The following NCOR2 variants were observed in gnomAD, a reference collection of about 807,000 sequenced individuals.
The protein encoded by NCOR2 is CTG repeat protein 26.
NCOR2 carries 81 observed loss-of-function variants against 262.9 expected under a neutral mutation model. The observed-to-expected ratio is 0.31, with a 90% CI of 0.26 to 0.37. NCOR2 has a LOEUF of 0.37. Ranked by LOEUF, NCOR2 falls within the 10% of genes least tolerant of loss-of-function variation. The pLI is 1.00. For synonymous variants in NCOR2, 1,659 were observed against 1,559.3 expected (o/e 1.06, Z -1.51); for missense variants, 3,385 against 3,621.4 (o/e 0.93, Z 1.68).
chr12:124,408,034 C>T lies in NCOR2; in HGVS notation c.1483-5473G>A, dbSNP rs554349456. The stretch of plus-strand genomic sequence containing the variant: ...GCAGTCAGGGGAGGCCATCTCAGTG[C>T]GTTTAAGGGTTGTCTTTTTATAAGA... On this transcript the variant is annotated intron_variant, in intron 13 of 46. Transcript: ENST00000405201. 3.5e-4 allele frequency among the ~76,000 whole-genome samples: 53 copies of T among 152,336 alleles called. 1 individual carries two copies. The highest frequency in any genetic ancestry group is 1.4e-3 in the South Asian group (7 of 4,832).
intron 17 of NCOR2, among the ~76,000 whole-genome samples, chr12:124,381,446 G>A (rs537281610): frequency 6.7e-6 from 1 of 150,116 alleles, no homozygotes; most frequent in Non-Finnish European, 1.5e-5. Context: ...TTCTGAAATT[G>A]AGTGTGTGAA....
Position 124,325,588 on chromosome 12 carries a change from G to A in NCOR2, c.7364-5C>T, listed in dbSNP as rs189013704. On this transcript the variant is annotated splice_region_variant and splice_polypyrimidine_tract_variant and intron_variant, in intron 46 of 46. Coordinates refer to ENST00000405201, the Ensembl canonical transcript of NCOR2. ...TGTAGGGGAATGGCGTGGAACCTGC[G>A]GGAAGAAGCGAAAGATGCCCAGGAG... is the stretch of plus-strand genomic sequence containing the variant. The A allele has an allele frequency of 1.1e-3, 1,397 of 1,273,698 alleles. 1 individual carries two copies. Among genetic ancestry groups the A allele is most frequent in the Non-Finnish European group, 1.3e-3 (1,263 of 1,000,454 alleles). The allele number at this position is 1,273,698 out of a possible 1,614,324, so 78.9% of individuals were successfully genotyped here.
intron 1 of NCOR2, among the ~76,000 whole-genome samples, chr12:124,489,053 G>A (rs2047933374): frequency 6.6e-6 from 1 of 152,004 alleles, no homozygotes; most frequent in Non-Finnish European, 1.5e-5. Flanking sequence ...GCTTGAAGCA[G>A]GTCACCAGGG....
At chr12:124,460,503 T>C (rs1392370473) in intron 5 of NCOR2, among the ~76,000 whole-genome samples, 2 of 152,198 alleles carry the variant, frequency 1.3e-5, no homozygotes, top group Non-Finnish European at 2.9e-5. Flanking sequence ...GGGCACTTTC[T>C]CCAGGGCCAT....
chr12:124,438,778 CAGAGAGAGAG>C lies in NCOR2; in HGVS notation c.816-792_816-783del, dbSNP rs56072801. Among the ~76,000 whole-genome samples, 404 of 60,078 alleles carry C rather than the reference CAGAGAGAGAG, an allele frequency of 6.7e-3. 4 individuals carry two copies. Among genetic ancestry groups the C allele is most frequent in the Non-Finnish European group, 0.01 (318 of 30,542 alleles). 39.4% of individuals were successfully genotyped at this position (60,078 alleles called of 152,430 possible). ...AGAGAGAGACAGAGACCCAGAGAGA[CAGAGAGAGAG>C]AGAGAGAGAGAGAGAGAGAGACGGA... On this transcript the variant is annotated intron_variant, in intron 7 of 46. Transcript: ENST00000405201.
intron 1 of NCOR2, among the ~76,000 whole-genome samples, chr12:124,546,195 C>T (rs1240061171): frequency 6.6e-6 from 1 of 152,190 alleles, no homozygotes; most frequent in Non-Finnish European, 1.5e-5. Context: ...CCTGTTTCCT[C>T]GCCGTAAAAT....
At chr12:124,529,066 C>T (rs1383053463) in intron 1 of NCOR2, among the ~76,000 whole-genome samples, 2 of 149,912 alleles carry the variant, frequency 1.3e-5, no homozygotes, top group African/African-American at 2.5e-5. Context: ...ATAATCCCAG[C>T]TTCTAGGGAG....
chr12:124,369,348 C>T lies in NCOR2; in HGVS notation c.2807+2674G>A, dbSNP rs972218263. 9.9e-5 allele frequency among the ~76,000 whole-genome samples: 15 copies of T among 152,178 alleles called. 1 individual carries two copies. Among genetic ancestry groups the T allele is most frequent in the Admixed American group, 6.5e-5 (1 of 15,288 alleles). The stretch of plus-strand genomic sequence containing the variant: ...GTGATTTTCTCTCTCCCAAAGTCAC[C>T]GGGGCGGGGGGCCAGATGAGAGTCA... On this transcript the variant is annotated intron_variant, in intron 20 of 46. Coordinates refer to ENST00000405201, the Ensembl canonical transcript of NCOR2.
chr12:124,495,194 G>C lies in NCOR2; in HGVS notation c.58C>G (p.Pro20Ala). ...ACTGGGTAGGAAAGGCTGTGGGGCG[G>C]GTAGCGGGGCTCAGTGGCCCTCCAC... The change falls in exon 1 of 47, where the codon CCG becomes GCG. Residue 20 changes from proline (P) to alanine (A), a missense_variant. By Grantham distance (27) the Pro-to-Ala change is conservative. Transcript: ENST00000405201. This position sits in a 1 kb window ranked among gnomAD's most constrained non-coding sequence, Gnocchi z 4.4. The C allele has an allele frequency of 6.2e-7, 1 of 1,613,982 alleles. No homozygotes were observed. Among genetic ancestry groups the C allele is most frequent in the Non-Finnish European group, 8.5e-7 (1 of 1,179,962 alleles).
rs541132858 is a variant in NCOR2 at position 124,389,812 on chromosome 12, G to A, written c.1877-3925C>T. Among the ~76,000 whole-genome samples, 1 of 152,272 alleles carries A rather than the reference G, an allele frequency of 6.6e-6. No homozygotes were observed. The highest frequency in any genetic ancestry group is 2.4e-5 in the African/African-American group (1 of 41,554). Reference sequence around the variant, plus strand: ...CCCTCTGCTGCTGGGGGGGTCTCGGGACCACAGCTGCCCCTTTCGTCCTCC... The same window carrying A: ...CCCTCTGCTGCTGGGGGGGTCTCGGAACCACAGCTGCCCCTTTCGTCCTCC... On this transcript the variant is annotated intron_variant, in intron 16 of 46. Coordinates refer to ENST00000405201, the Ensembl canonical transcript of NCOR2. This position sits in a 1 kb window ranked among gnomAD's most constrained non-coding sequence, Gnocchi z 4.4.
rs553019883 is a variant in NCOR2 at position 124,344,526 on chromosome 12, T to C, written c.4714+71A>G. On this transcript the variant is annotated intron_variant, in intron 32 of 46. Coordinates refer to ENST00000405201, the Ensembl canonical transcript of NCOR2. ...ATATCCCAGGTGCAAACTAAGCTAA[T>C]GGTGGATGGGGAGGCACAGCTTCTC... is the stretch of plus-strand genomic sequence containing the variant. The C allele has an allele frequency of 2.2e-5, 29 of 1,325,966 alleles. No individual in the cohort carries two copies. In the African/African-American group the frequency reaches 3.9e-4, roughly 18 times the overall value. 82.1% of individuals were successfully genotyped at this position (1,325,966 alleles called of 1,614,324 possible).
intron 22 of NCOR2, among the ~76,000 whole-genome samples, chr12:124,360,199 C>T (rs983897379): frequency 2.0e-5 from 3 of 152,188 alleles, no homozygotes; most frequent in Non-Finnish European, 4.4e-5. Context: ...CCCGGGCTGG[C>T]GCCCCAAACC....
intron 13 of NCOR2, among the ~76,000 whole-genome samples, chr12:124,416,712 A>ACCCGCGGCACAGGGAGTC (rs1330233015): frequency 1.5e-5 from 2 of 131,260 alleles, no homozygotes; most frequent in African/African-American, 5.8e-5. Flanking sequence ...CACAGATAGA[A>ACCCGCGGCACAGGGAGTC]CCCGCGGCAC....
chr12:124,380,461 TG>T (rs1322052908), intron 17 of NCOR2, among the ~76,000 whole-genome samples: 1 of 152,178 alleles, frequency 6.6e-6, no homozygotes, highest in Non-Finnish European at 1.5e-5. Context: ...CCCACAGGGA[TG>T]CCCAGCTCTG....
intron 1 of NCOR2, among the ~76,000 whole-genome samples, chr12:124,511,991 G>A (rs2177154): frequency 0.024 from 3,654 of 152,234 alleles, 139 homozygotes; most frequent in African/African-American, 0.083. Context: ...GCACAATCAT[G>A]GCTTACTGCA....
intron 1 of NCOR2, among the ~76,000 whole-genome samples, chr12:124,501,190 C>G (rs115337150): frequency 6.6e-6 from 1 of 152,030 alleles, no homozygotes; most frequent in Non-Finnish European, 1.5e-5. Context: ...GAACACAGGC[C>G]GTGCCTCCAC....
At chr12:124,467,142 ACCC>A (rs1356480437) in intron 4 of NCOR2, among the ~76,000 whole-genome samples, 2 of 84,900 alleles carry the variant, frequency 2.4e-5, no homozygotes, top group Non-Finnish European at 4.5e-5. Flanking sequence ...CATCCTCATC[ACCC>A]CCATCATCCT....
intron 16 of NCOR2, among the ~76,000 whole-genome samples, chr12:124,397,071 C>G (rs1358987855): frequency 6.6e-6 from 1 of 152,208 alleles, no homozygotes; most frequent in African/African-American, 2.4e-5. Context: ...TCCTTGGCCT[C>G]TGCTTCCTGG....
At chr12:124,535,404 T>C (rs559903807) in intron 1 of NCOR2, among the ~76,000 whole-genome samples, 161 bp downstream of exon 2, 1 of 152,308 alleles carries the variant, frequency 6.6e-6, no homozygotes, top group East Asian at 1.9e-4. Context: ...CTCCCTGCCC[T>C]GGACAGCTCT....
Sources: allele counts gnomAD v4.1 joint callset (sites outside exome capture counted in the v4.1 genomes callset), GRCh38; gene constraint gnomAD v4.1.1; non-coding constraint Gnocchi (gnomAD v3.1); transcripts MANE v1.5; gene names NCBI Gene and HGNC (gene_info 2026-07-23, HGNC 2026-07-21).